The following CPLANE1 variants were observed in gnomAD, a reference collection of about 807,000 sequenced individuals.
CPLANE1 encodes the protein ciliogenesis and planar polarity effector complex subunit 1, also known as ciliogenesis and planar polarity effector 1.
In CPLANE1, 263 loss-of-function variants were observed where a neutral mutation model predicts 362.5. The observed-to-expected ratio is 0.73, with a 90% CI of 0.66 to 0.80. CPLANE1 has a LOEUF of 0.80. Ranked by LOEUF, CPLANE1 falls within the 30% of genes least tolerant of loss-of-function variation. The pLI is 0.00. For synonymous variants in CPLANE1, 1,212 were observed against 1,302.6 expected (o/e 0.93, Z 1.50); for missense variants, 3,461 against 3,793.4 (o/e 0.91, Z 2.30).
chr5:37,162,091 C>A (rs571083281), intron 38 of CPLANE1, among the ~76,000 whole-genome samples: 5 of 152,186 alleles, frequency 3.3e-5, no homozygotes, highest in Non-Finnish European at 7.3e-5. Context: ...CAGTTAAATA[C>A]CCCTCCCTCA....
chr5:37,209,672 A>G lies in CPLANE1; in HGVS notation c.2921-3247T>C. 7.4e-7 allele frequency: 1 copy of G among 1,342,350 alleles called. No individual in the cohort carries two copies. Among genetic ancestry groups the G allele is most frequent in the Non-Finnish European group, 1.1e-6 (1 of 934,878 alleles). 83.2% of individuals were successfully genotyped at this position (1,342,350 alleles called of 1,614,324 possible). Reference sequence around the variant, plus strand: ...TTCTAGAAAGTGGTTTGGCAAAAGAAAAGGTATTTACTATGCAGGATCTAT... The same window carrying G: ...TTCTAGAAAGTGGTTTGGCAAAAGAGAAGGTATTTACTATGCAGGATCTAT... On this transcript the variant is annotated intron_variant, in intron 16 of 52. Coordinates refer to ENST00000651892, the MANE Select transcript of CPLANE1 (RefSeq NM_001384732.1). The surrounding 1 kb of genome is among the most constrained non-coding windows in gnomAD (Gnocchi z 4.6).
At chr5:37,224,801 C>T (rs1796086449) in intron 12 of CPLANE1, 61 bp from the exon 13 acceptor site, 5 of 1,115,936 alleles carry the variant, frequency 4.5e-6, no homozygotes, top group Non-Finnish European at 6.4e-6. Context: ...AGTTTAGCCT[C>T]CTTTTTAGCC....
intron 25 of CPLANE1, among the ~76,000 whole-genome samples, chr5:37,184,115 C>T (rs1021385755): frequency 5.9e-5 from 9 of 152,174 alleles, no homozygotes; most frequent in African/African-American, 2.2e-4. Flanking sequence ...TGCATCTGCC[C>T]GCTCAGCTCC....
In CPLANE1 at chr5:37,173,753, A is replaced by G. The variant is rs768641843; in HGVS notation, c.6171+2T>C. 6.2e-7 allele frequency: 1 copy of G among 1,613,070 alleles called. No individual in the cohort carries two copies. Among genetic ancestry groups the G allele is most frequent in the Non-Finnish European group, 8.5e-7 (1 of 1,179,062 alleles). On this transcript the variant is annotated splice_donor_variant, in intron 32 of 52. Transcript: ENST00000651892. LOFTEE classifies it high-confidence loss of function. ...TACTTACTTATATAGAGATGTGCTT[A>G]CCTGAACTAATTTAAACATTTCATC...
At chr5:37,115,333 G>T (rs1579816495) in intron 50 of CPLANE1, among the ~76,000 whole-genome samples, 1 of 152,168 alleles carries the variant, frequency 6.6e-6, no homozygotes, top group East Asian at 1.9e-4. Context: ...CTGGCAACTG[G>T]AAAAGCTAGG....
At chr5:37,239,952 T>A (rs956120084) in intron 6 of CPLANE1, 83 bp from the exon 7 acceptor site, 43 of 981,878 alleles carry the variant, frequency 4.4e-5, no homozygotes, top group Non-Finnish European at 5.5e-5. Flanking sequence ...AATTAAAGGA[T>A]CCATCCAAAT....
At chr5:37,140,855 CTTT>C in intron 44 of CPLANE1, 3 of 808,746 alleles carry the variant, frequency 3.7e-6, no homozygotes, top group Non-Finnish European at 3.0e-6. Flanking sequence ...TATGCATGGA[CTTT>C]TTTTTTTTTT....
In CPLANE1 at chr5:37,168,969, G is replaced by A. The variant is rs1779028761; in HGVS notation, c.7055C>T (p.Ser2352Phe). The change falls in exon 34 of 53, where the codon TCT becomes TTT. Residue 2352 changes from serine to phenylalanine, a missense_variant. Coordinates refer to ENST00000651892, the MANE Select transcript of CPLANE1 (RefSeq NM_001384732.1). ...CGGAAGTCCAAAGGAATGGTGAGGA[G>A]ATATCTCAAGGGTCCCTGGCTTAAC... ...FDVKPGTLEI[S>F]PHHSFGLPLL... is the part of the protein sequence containing the mutation. 1 of 1,614,158 alleles carries A rather than the reference G, an allele frequency of 6.2e-7. No individual in the cohort carries two copies.
rs70976279 is a variant in CPLANE1, at chr5:37,133,497, G to GGTGT, written c.8792+5219_8792+5222dup. On this transcript the variant is annotated intron_variant, in intron 46 of 52. Transcript: ENST00000651892. ...GAGATCTCTCACCTCTTTGGTTAGAGGTGTGTGTGTGTGTGTGTGTGTGTA... is the reference window on the plus strand; with the variant it reads ...GAGATCTCTCACCTCTTTGGTTAGAGGTGTGTGTGTGTGTGTGTGTGTGTGTGTA... 4.9e-3 allele frequency among the ~76,000 whole-genome samples: 723 copies of GGTGT among 148,722 alleles called. 6 individuals are homozygous for GGTGT. Among genetic ancestry groups the GGTGT allele is most frequent in the South Asian group, 0.046 (213 of 4,662 alleles).
intron 2 of CPLANE1, among the ~76,000 whole-genome samples, chr5:37,246,676 T>A (rs1739781532): frequency 6.6e-6 from 1 of 152,108 alleles, no homozygotes. Flanking sequence ...GCCAGCAGCA[T>A]CAGCAACACC....
At chr5:37,235,836 C>T (rs1446207595) in intron 8 of CPLANE1, among the ~76,000 whole-genome samples, 3 of 149,334 alleles carry the variant, frequency 2.0e-5, no homozygotes, top group Non-Finnish European at 4.4e-5. Flanking sequence ...TCCCAAAGTG[C>T]TGGGATTACA....
chr5:37,195,598 CAAA>C (rs1206058421), intron 21 of CPLANE1, among the ~76,000 whole-genome samples: 1 of 109,082 alleles, frequency 9.2e-6, no homozygotes. Flanking sequence ...GACTCTGTCT[CAAA>C]AAAAAAAAAA....
downstream of CPLANE1, among the ~76,000 whole-genome samples, chr5:37,102,640 G>A (rs371451489): frequency 2.0e-5 from 3 of 152,054 alleles, no homozygotes; most frequent in Non-Finnish European, 4.4e-5. Flanking sequence ...ATAACTTCTT[G>A]ACATCTGCCT....
chr5:37,241,917 A>G (rs1800610384), intron 6 of CPLANE1, among the ~76,000 whole-genome samples: 1 of 152,128 alleles, frequency 6.6e-6, no homozygotes, highest in East Asian at 1.9e-4. Flanking sequence ...GGCATCCACC[A>G]CCACACTCAG....
chr5:37,115,002 C>A lies in CPLANE1; in HGVS notation c.9358G>T (p.Ala3120Ser). Reference sequence around the variant, plus strand: ...GGAGACTGCGTAGCCTTTCTTACTGCTGCTTTGGCTCCACCAGCTTTTTTC... The same window carrying A: ...GGAGACTGCGTAGCCTTTCTTACTGATGCTTTGGCTCCACCAGCTTTTTTC... Reference protein sequence around the residue: ...IQKKAGGAKAAVRKATQSPVT... With the variant: ...IQKKAGGAKASVRKATQSPVT... Residue 3120 changes from alanine to serine, a missense_variant, in exon 51 of 53, where the codon GCA (alanine) becomes TCA (serine). Physicochemically the swap from Ala to Ser is moderately conservative, Grantham distance 99. This residue lies in a region of CPLANE1 where 3,380 missense variants were observed against 3,666.1 expected (regional missense o/e 0.92). Coordinates refer to ENST00000651892, the MANE Select transcript of CPLANE1 (RefSeq NM_001384732.1). 1 of 1,611,456 alleles carries A rather than the reference C, an allele frequency of 6.2e-7. No individual in the cohort carries two copies. Among genetic ancestry groups the A allele is most frequent in the Non-Finnish European group, 8.5e-7 (1 of 1,178,462 alleles).
the CPLANE1 span, among the ~76,000 whole-genome samples, chr5:37,097,318 C>T: frequency 2.6e-5 from 4 of 151,986 alleles, no homozygotes; most frequent in Admixed American, 1.3e-4. Flanking sequence ...CAAAAAACCC[C>T]GAAAACAACA....
At chr5:37,222,734 C>A (rs1036662451) in intron 14 of CPLANE1, among the ~76,000 whole-genome samples, 5 of 152,192 alleles carry the variant, frequency 3.3e-5, no homozygotes, top group African/African-American at 1.2e-4. Context: ...ACTACACTAG[C>A]CTTCTTTCTC....
chr5:37,080,312 G>A, the CPLANE1 span, among the ~76,000 whole-genome samples: 12 of 152,282 alleles, frequency 7.9e-5, no homozygotes, highest in East Asian at 1.9e-4. Context: ...AGTGAGTGGC[G>A]TCCAGGCAGA....
chr5:37,243,551 G>A (rs1003405787), intron 5 of CPLANE1, among the ~76,000 whole-genome samples: 4 of 151,176 alleles, frequency 2.6e-5, no homozygotes, highest in East Asian at 3.9e-4. Context: ...TTTTAAATAC[G>A]TTTTGGTTTT....
Sources: gnomAD v4.1 joint callset for allele counts (sites outside exome capture counted in the v4.1 genomes callset) on GRCh38, gnomAD v4.1.1 for gene constraint, gnomAD v4.1.1 regional missense constraint, Gnocchi (gnomAD v3.1) non-coding constraint, MANE v1.5 for transcripts, NCBI Gene and HGNC (gene_info 2026-07-23, HGNC 2026-07-21) for gene names.